DLGAP2: variants seen among roughly 807,000 people sequenced by gnomAD.
DLGAP2 encodes the protein DLG associated protein 2.
A neutral mutation model predicts 100.3 loss-of-function variants in DLGAP2; 26 were observed. The observed-to-expected ratio is 0.26, with a 90% CI of 0.19 to 0.36. The LOEUF (loss-of-function observed/expected upper bound fraction) is 0.36, where lower values mean the gene tolerates loss of function less well. DLGAP2 is among the 10% of genes least tolerant of loss of function. The probability of loss-of-function intolerance (pLI) is 1.00; values close to 1 mark genes in which losing one functional copy is unlikely to be tolerated. For synonymous variants in DLGAP2, 886 were observed against 630.1 expected, an observed-to-expected ratio of 1.41 and a Z score of -6.08; for missense variants, 1,858 against 1,453.2, an observed-to-expected ratio of 1.28 and a Z score of -4.53.
At chr8:809,124 C>T (rs887190060) in intron 1 of DLGAP2, among the ~76,000 whole-genome samples, 14 of 151,990 alleles carry the variant, frequency 9.2e-5, no homozygotes, top group South Asian at 2.1e-4. Flanking sequence ...AGGCTGGTTT[C>T]GAATTCCTGG....
intron 1 of DLGAP2, among the ~76,000 whole-genome samples, chr8:796,412 G>C (rs946269007): frequency 1.3e-5 from 2 of 151,880 alleles, no homozygotes; most frequent in Non-Finnish European, 2.9e-5. Flanking sequence ...ATTTCCCTGC[G>C]ACTGCCTGGA....
chr8:1,017,684 G>C (rs2129023290), intron 2 of DLGAP2, among the ~76,000 whole-genome samples: 1 of 151,192 alleles, frequency 6.6e-6, no homozygotes, highest in East Asian at 1.9e-4. Flanking sequence ...TTTGGCTTGT[G>C]TTTCCTGTGG....
intron 1 of DLGAP2, among the ~76,000 whole-genome samples, chr8:888,788 A>C (rs1002989452): frequency 6.6e-6 from 1 of 151,904 alleles, no homozygotes; most frequent in East Asian, 1.9e-4. Context: ...AGGGGCACCA[A>C]CCTGTTGCCA....
chr8:1,041,966 C>A (rs1170152003), intron 2 of DLGAP2, among the ~76,000 whole-genome samples: 1 of 152,210 alleles, frequency 6.6e-6, no homozygotes, highest in Non-Finnish European at 1.5e-5. Flanking sequence ...GTTTCAGGAG[C>A]CTGCGGGGAT....
intron 3 of DLGAP2, among the ~76,000 whole-genome samples, chr8:1,303,644 C>G (rs551711883): frequency 6.6e-6 from 1 of 152,164 alleles, no homozygotes; most frequent in Non-Finnish European, 1.5e-5. Flanking sequence ...TCTGAACACA[C>G]TCCTAACTCC....
At position 1,364,509 on chromosome 8, in the gene DLGAP2, G is replaced by GGC. The variant is rs1554452292; in HGVS notation, c.106+105627_106+105628insCG. The stretch of plus-strand genomic sequence containing the variant: ...CGCCGGTCATGGGAAGGGCGGGGGG[G>GGC]GTGCAGCGAAGCAGACACATTTTCC... On this transcript the variant is annotated intron_variant, in intron 3 of 14. Transcript: ENST00000637795. 6.4e-4 allele frequency among the ~76,000 whole-genome samples: 95 copies of GGC among 148,574 alleles called. 3 individuals are homozygous for GGC. The highest frequency in any genetic ancestry group is 8.1e-4 in the African/African-American group (32 of 39,740).
rs574305793 is a variant in DLGAP2 at position 1,230,099 on chromosome 8, A to G, written c.74-28752A>G. On this transcript the variant is annotated intron_variant, in intron 2 of 14. Transcript: ENST00000637795. Reference sequence around the variant, plus strand: ...TTGTCTTCACAGATGATATGATTCTATACCTGCAAAACCCCAAAGACTCTG... The same window carrying G: ...TTGTCTTCACAGATGATATGATTCTGTACCTGCAAAACCCCAAAGACTCTG... Among the ~76,000 whole-genome samples, 9 of 152,206 alleles carry G rather than the reference A, an allele frequency of 5.9e-5. No homozygotes were observed. The South Asian group carries it at 1.7e-3, about 28-fold the overall frequency.
chr8:1,678,083 A>G, intron 11 of DLGAP2, 131 bp from the exon 12 acceptor site: 2 of 1,024,862 alleles, frequency 2.0e-6, no homozygotes, highest in Non-Finnish European at 2.8e-6. Flanking sequence ...TTTCACAAAC[A>G]AAACACTACC....
chr8:1,379,393 C>T (rs115347365), intron 3 of DLGAP2, among the ~76,000 whole-genome samples: 4,451 of 152,344 alleles, frequency 0.029, 221 homozygotes, highest in African/African-American at 0.1. Context: ...CATCCCTTAT[C>T]TAGGAGGTGG....
rs548050598 is a variant in DLGAP2 at position 1,386,606 on chromosome 8, G to A, written c.107-114760G>A. 1.2e-4 allele frequency among the ~76,000 whole-genome samples: 18 copies of A among 152,236 alleles called. No individual in the cohort carries two copies. The South Asian group carries it at 3.3e-3, about 28-fold the overall frequency. On this transcript the variant is annotated intron_variant, in intron 3 of 14. Coordinates refer to ENST00000637795, the MANE Select transcript of DLGAP2 (RefSeq NM_001346810.2). ...CACAGAGTCTCTGAGGCTCCCCTTC[G>A]CTCTCTCAGGAAGATTCGGAGGATG... is the stretch of plus-strand genomic sequence containing the variant.
chr8:757,016 C>G (rs1820938221), intron 1 of DLGAP2, among the ~76,000 whole-genome samples: 1 of 152,206 alleles, frequency 6.6e-6, no homozygotes, highest in South Asian at 2.1e-4. Flanking sequence ...CCTCAAGAAG[C>G]TGTTTCCGTG....
intron 8 of DLGAP2, among the ~76,000 whole-genome samples, 156 bp downstream of exon 8, chr8:1,633,202 G>A (rs915311793): frequency 7.9e-5 from 12 of 152,272 alleles, no homozygotes; most frequent in African/African-American, 1.7e-4. Flanking sequence ...TGTCACATTC[G>A]CAAGGGTGTT....
chr8:899,271 AC>A (rs145446696), intron 1 of DLGAP2, among the ~76,000 whole-genome samples: 11 of 152,352 alleles, frequency 7.2e-5, no homozygotes, highest in African/African-American at 2.4e-4. Context: ...AAGGTGCAGC[AC>A]AGCCTGTGAG....
rs143150765 is a variant in DLGAP2 at position 1,464,081 on chromosome 8, A to T, written c.107-37285A>T. ...TGTCGCAACAGCCGCCTTCCTGAAG[A>T]GCTTCCTTCCAGCTGAGCTCCCAGG... On this transcript the variant is annotated intron_variant, in intron 3 of 14. Coordinates refer to ENST00000637795, the MANE Select transcript of DLGAP2 (RefSeq NM_001346810.2). Among the ~76,000 whole-genome samples the T allele has an allele frequency of 1.3e-3, 179 of 137,830 alleles. 2 individuals carry two copies. The highest frequency in any genetic ancestry group is 2.6e-3 in the Non-Finnish European group (164 of 63,564). 90.4% of individuals were successfully genotyped at this position (137,830 alleles called of 152,430 possible).
At position 1,516,089 on chromosome 8, in the gene DLGAP2, ATGAATGAGTGACTGAG is replaced by A. The variant is rs577089768; in HGVS notation, c.172+14678_172+14693del. Among the ~76,000 whole-genome samples, 567 of 151,504 alleles carry A rather than the reference ATGAATGAGTGACTGAG, an allele frequency of 3.7e-3. 2 individuals carry two copies. The highest frequency in any genetic ancestry group is 0.013 in the African/African-American group (517 of 41,260). On this transcript the variant is annotated intron_variant, in intron 4 of 14. Transcript: ENST00000637795. The stretch of plus-strand genomic sequence containing the variant: ...AGTAAAAAAGTACATGAATGAGTGC[ATGAATGAGTGACTGAG>A]TGAATGAGTGACTGAGTGAGGAAAG...
intron 2 of DLGAP2, among the ~76,000 whole-genome samples, chr8:1,228,776 T>A (rs1006041805): frequency 2.6e-5 from 4 of 152,178 alleles, no homozygotes; most frequent in Admixed American, 2.6e-4. Context: ...AGAAGAGAAA[T>A]CCTCCATCTT....
intron 2 of DLGAP2, among the ~76,000 whole-genome samples, chr8:964,059 T>C (rs1046616834): frequency 6.6e-6 from 1 of 152,238 alleles, no homozygotes; most frequent in Non-Finnish European, 1.5e-5. Flanking sequence ...TGGAAAACTT[T>C]AGGAAGTTTA....
intron 1 of DLGAP2, among the ~76,000 whole-genome samples, chr8:878,731 G>T (rs1238860980): frequency 1.3e-5 from 2 of 152,100 alleles, no homozygotes; most frequent in African/African-American, 2.4e-5. Context: ...TTCCAAGAAG[G>T]TGGATTTTAT....
chr8:1,012,412 C>G (rs1425827353), intron 2 of DLGAP2, among the ~76,000 whole-genome samples: 1 of 152,256 alleles, frequency 6.6e-6, no homozygotes, highest in Admixed American at 6.5e-5. Context: ...CAGGCTGCTG[C>G]GCGAGCGAGG....
Sources: allele counts gnomAD v4.1 joint callset (sites outside exome capture counted in the v4.1 genomes callset), GRCh38; gene constraint gnomAD v4.1.1; transcripts MANE v1.5; gene names NCBI Gene and HGNC (gene_info 2026-07-23, HGNC 2026-07-21).